The following ALG13 variants were observed in gnomAD, a reference collection of about 807,000 sequenced individuals.
ALG13 encodes the protein UDP-N-acetylglucosamine transferase subunit ALG13.
Under a neutral mutation model 87.8 loss-of-function variants are expected in ALG13, and 11 were observed. That is an observed-to-expected ratio of 0.13 (90% CI 0.08 to 0.21). ALG13 has a LOEUF of 0.21. Among genes scored for constraint, ALG13 ranks in the 10% least tolerant of loss-of-function variants. The pLI, the probability that ALG13 is intolerant of heterozygous loss-of-function variation, is 1.00. For synonymous variants in ALG13, 320 were observed against 306.3 expected, an observed-to-expected ratio of 1.04 and a Z score of -0.47; for missense variants, 756 against 866.1, an observed-to-expected ratio of 0.87 and a Z score of 1.60.
chrX:111,728,159 A>T (rs1569519654), intron 18 of ALG13, 26 bp from the exon 19 acceptor site: 7 of 1,207,085 alleles, frequency 5.8e-6, no homozygotes. Context: ...TGAGAACTGC[A>T]GTGTGTGTGT....
chrX:111,705,312 A>G (rs1279721529), intron 3 of ALG13, among the ~76,000 whole-genome samples: 2 of 111,688 alleles, frequency 1.8e-5, no homozygotes, highest in Non-Finnish European at 3.8e-5. Context: ...TCTTTTGTCT[A>G]TTTAAGAAAT....
At position 111,712,476 on chromosome X, in the gene ALG13, A is replaced by T. The variant is rs776317076; in HGVS notation, c.886-8A>T. On this transcript the variant is annotated splice_region_variant and splice_polypyrimidine_tract_variant and intron_variant, in intron 6 of 26. Transcript: ENST00000394780. ...TTTTTTAAAACTCAATACACTATTT[A>T]TGTTTAGGAAAGTGCTGGCCAGCTG... is the stretch of plus-strand genomic sequence containing the variant. 1 of 1,155,920 alleles carries T rather than the reference A, an allele frequency of 8.7e-7. No homozygotes were observed. Among genetic ancestry groups the T allele is most frequent in the Non-Finnish European group, 1.2e-6 (1 of 858,908 alleles).
rs976676588 is a variant in ALG13 at position 111,708,106 on chromosome X, A to G, written c.463A>G (p.Thr155Ala). Residue 155 changes from threonine to alanine, a missense_variant, in exon 4 of 27, where the codon ACT becomes GCT. Physicochemically the swap from Thr to Ala is moderately conservative, Grantham distance 58 (BLOSUM62 0). Around this residue, in one of 9 missense-constraint regions of ALG13, gnomAD observed 153 missense variants for 168.7 expected, o/e 0.91. Coordinates refer to ENST00000394780, the MANE Select transcript of ALG13 (RefSeq NM_001099922.3). Reference protein sequence around the residue: ...KCQDSAALTSTAFSGLDFGLL... With the variant: ...KCQDSAALTSAAFSGLDFGLL... Reference sequence around the variant, plus strand: ...CCAAGATTCTGCAGCGCTGACTTCAACTGCCTTTTCAGGCCTAGACTTTGG... The same window carrying G: ...CCAAGATTCTGCAGCGCTGACTTCAGCTGCCTTTTCAGGCCTAGACTTTGG... 2.5e-6 allele frequency: 3 copies of G among 1,209,765 alleles called. No individual in the cohort carries two copies. The highest frequency in any genetic ancestry group is 3.4e-6 in the Non-Finnish European group (3 of 895,117).
intron 8 of ALG13, among the ~76,000 whole-genome samples, chrX:111,715,305 G>T (rs1243681855): frequency 8.9e-6 from 1 of 112,026 alleles, no homozygotes; most frequent in East Asian, 2.8e-4. Context: ...AATTTATGAA[G>T]TGGGAGTGTG....
intron 24 of ALG13, among the ~76,000 whole-genome samples, chrX:111,751,591 T>C (rs1328901638): frequency 8.9e-6 from 1 of 112,076 alleles, no homozygotes; most frequent in Non-Finnish European, 1.9e-5. Context: ...AGTTATTTGA[T>C]ACATACATGT....
rs752152177 is a variant in ALG13 at position 111,733,436 on chromosome X, T to G, written c.2458-1615T>G. Among the ~76,000 whole-genome samples the G allele has an allele frequency of 2.7e-5, 3 of 111,897 alleles. No homozygotes were observed. The East Asian group carries it at 8.4e-4, about 31-fold the overall frequency. On this transcript the variant is annotated intron_variant, in intron 21 of 26. Transcript: ENST00000394780. ...TTCACTTAGAATAACGGTCTTTAAT[T>G]CCATCTGAGTTGCTTCAGATGCCAT...
At chrX:111,681,567 C>A in intron 1 of ALG13, 1 of 946,761 alleles carries the variant, frequency 1.1e-6, no homozygotes, top group Non-Finnish European at 1.4e-6. Context: ...TTCCGGTCTG[C>A]CCCCGCGCTC....
chrX:111,718,361 T>A, intron 10 of ALG13, 87 bp downstream of exon 10: 3 of 818,713 alleles, frequency 3.7e-6, no homozygotes, highest in Non-Finnish European at 1.7e-6. Flanking sequence ...CTGGCAAGCT[T>A]ATGAGTTAGG....
intron 3 of ALG13, chrX:111,687,935 T>C: frequency 1.7e-6 from 2 of 1,182,218 alleles, no homozygotes; most frequent in Non-Finnish European, 2.3e-6. Flanking sequence ...CACTGAAATG[T>C]TATCCTCCTG....
rs1942234960 is a variant in ALG13 at position 111,727,824 on chromosome X, T to C, written c.2247+54T>C. On this transcript the variant is annotated intron_variant, in intron 18 of 26. Coordinates refer to ENST00000394780, the MANE Select transcript of ALG13 (RefSeq NM_001099922.3). ...GCTGTTTACTTTTTTCATTTATTTT[T>C]TTGAAGTAAAGGCAATGTGGATAAA... is the stretch of plus-strand genomic sequence containing the variant. The C allele has an allele frequency of 1.1e-5, 12 of 1,087,953 alleles. No homozygotes were observed. In the South Asian group the frequency reaches 2.9e-4, roughly 26 times the overall value. The allele number at this position is 1,087,953 out of a possible 1,213,427, so 89.7% of individuals were successfully genotyped here.
intron 8 of ALG13, among the ~76,000 whole-genome samples, chrX:111,717,563 CA>C (rs1940807052): frequency 1.1e-5 from 1 of 88,171 alleles, no homozygotes; most frequent in African/African-American, 4.3e-5. Context: ...TTTTTTTTAG[CA>C]AATTTGTAAA....
intron 21 of ALG13, 90 bp from the exon 22 acceptor site, chrX:111,734,961 T>C (rs772710361): frequency 1.6e-6 from 1 of 616,221 alleles, no homozygotes; most frequent in Admixed American, 3.4e-5. Flanking sequence ...TTTTCAGGAC[T>C]GATCACTTTC....
intron 15 of ALG13, 101 bp from the exon 16 acceptor site, chrX:111,726,708 G>C: frequency 1.1e-6 from 1 of 952,156 alleles, no homozygotes. Flanking sequence ...TTGTTCCTAG[G>C]GGAAGCATTG....
chrX:111,743,479 A>T (rs1365705023), intron 23 of ALG13, among the ~76,000 whole-genome samples: 1 of 111,915 alleles, frequency 8.9e-6, no homozygotes, highest in Non-Finnish European at 1.9e-5. Context: ...GTGAGCTTTG[A>T]CAAATGCGTA....
At chrX:111,694,577 T>C (rs1164844635) in intron 3 of ALG13, among the ~76,000 whole-genome samples, 5 of 112,158 alleles carry the variant, frequency 4.5e-5, no homozygotes. Flanking sequence ...AGAAATCCAG[T>C]AAGGCAATAC....
intron 3 of ALG13, chrX:111,687,945 G>A: frequency 8.5e-7 from 1 of 1,175,677 alleles, no homozygotes; most frequent in Non-Finnish European, 1.1e-6. Context: ...TTATCCTCCT[G>A]GCCAGCCAGA....
rs764907271 is a variant in ALG13, at chrX:111,754,776, GAC to G, written c.2973+1950_2973+1951del. 1.4e-4 allele frequency among the ~76,000 whole-genome samples: 16 copies of G among 111,550 alleles called. No homozygotes were observed. In the South Asian group the frequency reaches 5.6e-3, roughly 39 times the overall value. On this transcript the variant is annotated intron_variant, in intron 25 of 26. Transcript: ENST00000394780. ...ATCACTGCTCAATGATATAAGAGAG[GAC>G]ACAAAGGGAAAAACGTTCCATGCTT...
At chrX:111,681,747 G>T in intron 1 of ALG13, 1 of 826,115 alleles carries the variant, frequency 1.2e-6, no homozygotes. Context: ...CTTCCCCTCA[G>T]CACTTGGCCG....
chrX:111,723,500 G>A lies in ALG13; in HGVS notation c.1501-298G>A, dbSNP rs183838053. Among the ~76,000 whole-genome samples the A allele has an allele frequency of 3.7e-3, 409 of 110,708 alleles. 1 individual carries two copies. Among genetic ancestry groups the A allele is most frequent in the African/African-American group, 0.013 (381 of 30,441 alleles). ...TGTTGCCCAGGCTGGTCTCATTCCT[G>A]GCCTCAAGTGATCCTCCCACCTTGG... On this transcript the variant is annotated intron_variant, in intron 13 of 26. Transcript: ENST00000394780.
Sources: gnomAD v4.1 joint callset for allele counts (sites outside exome capture counted in the v4.1 genomes callset) on GRCh38, gnomAD v4.1.1 for gene constraint, gnomAD v4.1.1 regional missense constraint, MANE v1.5 for transcripts, NCBI Gene and HGNC (gene_info 2026-07-23, HGNC 2026-07-21) for gene names.